PTPRZ1: variants seen among roughly 807,000 people sequenced by gnomAD.
PTPRZ1 encodes protein tyrosine phosphatase receptor type Z1.
A neutral mutation model predicts 214.1 loss-of-function variants in PTPRZ1; 82 were observed. The observed-to-expected ratio is 0.38, with a 90% CI of 0.32 to 0.46. The LOEUF (loss-of-function observed/expected upper bound fraction) is 0.46. PTPRZ1 is among the 20% of genes least tolerant of loss of function. The pLI is 1.00. For missense variants in PTPRZ1, 2,603 were observed against 2,748.7 expected, an observed-to-expected ratio of 0.95 and a Z score of 1.19; for synonymous variants, 945 against 987.9, an observed-to-expected ratio of 0.96 and a Z score of 0.81.
chr7:122,051,404 A>T lies in PTPRZ1; in HGVS notation c.6085-24A>T, dbSNP rs374575506. 3.9e-4 allele frequency: 609 copies of T among 1,571,502 alleles called. 3 individuals are homozygous for T. Among genetic ancestry groups the T allele is most frequent in the Middle Eastern group, 1.0e-3 (6 of 5,956 alleles). The stretch of plus-strand genomic sequence containing the variant: ...GGGGGACTTAAATGAAATAACCTAT[A>T]TATTTTTTTACTTTCTTGCCCAGCT... On this transcript the variant is annotated intron_variant, in intron 23 of 29. Coordinates refer to ENST00000393386, the MANE Select transcript of PTPRZ1 (RefSeq NM_002851.3).
chr7:121,988,056 T>C (rs1315205344), intron 8 of PTPRZ1, among the ~76,000 whole-genome samples: 3 of 152,162 alleles, frequency 2.0e-5, no homozygotes, highest in African/African-American at 7.2e-5. Flanking sequence ...AGTCTCCCTA[T>C]CAAATATAAT....
Position 122,010,914 on chromosome 7 carries a change from T to C in PTPRZ1, c.1868T>C (p.Ile623Thr), listed in dbSNP as rs759479388. Residue 623 changes from isoleucine (I) to threonine (T), a missense_variant, in exon 12 of 30, where the codon ATA (isoleucine) becomes ACA (threonine). Around this residue, in one of 6 missense-constraint regions of PTPRZ1, gnomAD observed 1,913 missense variants for 1,914.3 expected, o/e 1.00. Transcript: ENST00000393386. ...NPETITYDVL[I>T]PESARNASED... ...GAGACAATAACATATGATGTCCTTA[T>C]ACCAGAATCTGCTAGAAATGCTTCC... 6.2e-7 allele frequency: 1 copy of C among 1,614,020 alleles called. No homozygotes were observed. The highest frequency in any genetic ancestry group is 8.5e-7 in the Non-Finnish European group (1 of 1,180,018).
At chr7:121,995,972 G>A (rs1316658904) in intron 8 of PTPRZ1, among the ~76,000 whole-genome samples, 2 of 152,164 alleles carry the variant, frequency 1.3e-5, no homozygotes, top group Non-Finnish European at 2.9e-5. Flanking sequence ...AGGCAATATA[G>A]AACTACAGAG....
At position 121,924,563 on chromosome 7, in the gene PTPRZ1, A is replaced by G. The variant is rs536464717; in HGVS notation, c.59-3593A>G. 7.9e-5 allele frequency among the ~76,000 whole-genome samples: 12 copies of G among 152,362 alleles called. No individual in the cohort carries two copies. The East Asian group carries it at 2.3e-3, about 29-fold the overall frequency. ...AAAGCTTTCTTAATGTAAGTAATTA[A>G]AAACCAAGGATAAATGTTCATTGTG... is the stretch of plus-strand genomic sequence containing the variant. On this transcript the variant is annotated intron_variant, in intron 1 of 29. Transcript: ENST00000393386.
chr7:121,880,374 T>C (rs1374625482), intron 1 of PTPRZ1, among the ~76,000 whole-genome samples: 1 of 152,192 alleles, frequency 6.6e-6, no homozygotes, highest in Non-Finnish European at 1.5e-5. Context: ...AGAATATCCA[T>C]AACTATGATG....
At chr7:121,926,885 T>C (rs1183996177) in intron 1 of PTPRZ1, among the ~76,000 whole-genome samples, 3 of 152,174 alleles carry the variant, frequency 2.0e-5, no homozygotes, top group Non-Finnish European at 4.4e-5. Context: ...ACTTAATATA[T>C]AGATTTTTAC....
Position 121,873,420 on chromosome 7 carries a change from A to T in PTPRZ1, c.-80A>T, listed in dbSNP as rs1793944530. ...AGGATTAAAACAAACAAACAAAAAA[A>T]ACATTTCCTTCGCTCCCCCTCCCTC... On this transcript the variant is annotated 5_prime_UTR_variant, in exon 1 of 30. Transcript: ENST00000393386. 6.2e-6 allele frequency: 9 copies of T among 1,452,304 alleles called. No individual in the cohort carries two copies. Among genetic ancestry groups the T allele is most frequent in the Non-Finnish European group, 8.5e-6 (9 of 1,054,640 alleles). The allele number at this position is 1,452,304 out of a possible 1,614,324, so 90.0% of individuals were successfully genotyped here.
In PTPRZ1 at chr7:122,010,447, C is replaced by T; in HGVS notation, c.1401C>T (p.Tyr467=). 1 of 1,614,012 alleles carries T rather than the reference C, an allele frequency of 6.2e-7. No individual in the cohort carries two copies. Among genetic ancestry groups the T allele is most frequent in the Non-Finnish European group, 8.5e-7 (1 of 1,179,928 alleles). ...CCCAGATTTCTACCACAACACACTA[C>T]AATCGCATAGGGACGAAATACAATG... The part of the protein sequence containing the change: ...KEPQISTTTH[Y]NRIGTKYNEA... The change falls in exon 12 of 30, where the codon TAC becomes TAT. Residue 467 remains tyrosine (Y), a synonymous_variant. Coordinates refer to ENST00000393386, the MANE Select transcript of PTPRZ1 (RefSeq NM_002851.3).
intron 17 of PTPRZ1, among the ~76,000 whole-genome samples, chr7:122,035,325 A>C (rs1799503303): frequency 6.6e-6 from 1 of 152,104 alleles, no homozygotes; most frequent in Non-Finnish European, 1.5e-5. Context: ...TTTTTAGTAG[A>C]GGGCTTTATG....
chr7:121,951,301 C>T (rs1464709041), intron 2 of PTPRZ1, among the ~76,000 whole-genome samples: 1 of 152,144 alleles, frequency 6.6e-6, no homozygotes, highest in Non-Finnish European at 1.5e-5. Flanking sequence ...ACTAGCATTA[C>T]CTTTACCACA....
At chr7:121,952,930 A>G (rs541132866) in intron 2 of PTPRZ1, among the ~76,000 whole-genome samples, 1 of 152,336 alleles carries the variant, frequency 6.6e-6, no homozygotes, top group Non-Finnish European at 1.5e-5. Flanking sequence ...AGAAAAAAGG[A>G]AAAGGGTCAG....
Position 121,953,864 on chromosome 7 carries a change from A to G in PTPRZ1, c.125-14087A>G, listed in dbSNP as rs1796631035. ...ATCTGAACCTAATGCATCATTGTAC[A>G]ATGGCCGTAAAGGATGACAAGGGAC... On this transcript the variant is annotated intron_variant, in intron 2 of 29. Transcript: ENST00000393386. Among the ~76,000 whole-genome samples, 2 of 152,108 alleles carry G rather than the reference A, an allele frequency of 1.3e-5. 1 individual carries two copies. The highest frequency in any genetic ancestry group is 4.2e-4 in the South Asian group (2 of 4,818).
chr7:122,033,820 C>G, intron 15 of PTPRZ1: 1 of 439,126 alleles, frequency 2.3e-6, no homozygotes, highest in Non-Finnish European at 4.0e-6. Flanking sequence ...TGGTTCCTCT[C>G]ATCTGCATTT....
intron 1 of PTPRZ1, among the ~76,000 whole-genome samples, chr7:121,920,712 T>C (rs2116342649): frequency 6.6e-6 from 1 of 152,324 alleles, no homozygotes; most frequent in African/African-American, 2.4e-5. Context: ...ATTTTATACC[T>C]GAAGCTCAAG....
chr7:121,874,982 A>G (rs1010044270), intron 1 of PTPRZ1, among the ~76,000 whole-genome samples: 1 of 152,164 alleles, frequency 6.6e-6, no homozygotes, highest in African/African-American at 2.4e-5. Flanking sequence ...GAAATAAACC[A>G]GAGAGTATTG....
intron 2 of PTPRZ1, among the ~76,000 whole-genome samples, chr7:121,951,511 C>A (rs180989837): frequency 6.6e-6 from 1 of 152,162 alleles, no homozygotes; most frequent in Non-Finnish European, 1.5e-5. Context: ...TAAACTATAG[C>A]GAACAGAGAA....
chr7:122,017,773 T>C (rs995535380), intron 12 of PTPRZ1, among the ~76,000 whole-genome samples: 1 of 151,884 alleles, frequency 6.6e-6, no homozygotes. Context: ...GGTTTCACCA[T>C]GTTGGCCAGG....
intron 20 of PTPRZ1, among the ~76,000 whole-genome samples, chr7:122,040,505 A>T (rs1799691440): frequency 6.6e-6 from 1 of 152,138 alleles, no homozygotes; most frequent in Non-Finnish European, 1.5e-5. Flanking sequence ...ATGGACTATG[A>T]TTTGCTTTAC....
At chr7:121,958,191 A>G (rs963387356) in intron 2 of PTPRZ1, among the ~76,000 whole-genome samples, 2 of 152,208 alleles carry the variant, frequency 1.3e-5, no homozygotes, top group African/African-American at 4.8e-5. Context: ...CTGTAGTCTG[A>G]ATTGCAAGTC....
Sources: gnomAD v4.1 joint callset for allele counts (sites outside exome capture counted in the v4.1 genomes callset) on GRCh38, gnomAD v4.1.1 for gene constraint, gnomAD v4.1.1 regional missense constraint, MANE v1.5 for transcripts, NCBI Gene and HGNC (gene_info 2026-07-23, HGNC 2026-07-21) for gene names.